BCKDHB: variants seen among roughly 807,000 people sequenced by gnomAD.
BCKDHB encodes the protein branched chain keto acid dehydrogenase E1 subunit beta, also known as 2-oxoisovalerate dehydrogenase subunit beta, mitochondrial.
Under a neutral mutation model 48.5 loss-of-function variants are expected in BCKDHB, and 41 were observed. The observed-to-expected ratio is 0.85, with a 90% CI of 0.66 to 1.10. The LOEUF is 1.10. Among genes scored for constraint, BCKDHB ranks in the 50% least tolerant of loss-of-function variants. BCKDHB has a pLI of 0.00. For missense variants in BCKDHB, 496 were observed against 494.2 expected (o/e 1.00, Z -0.03); for synonymous variants, 201 against 174.8 (o/e 1.15, Z -1.18).
At chr6:80,314,939 G>A (rs1768360317) in intron 9 of BCKDHB, among the ~76,000 whole-genome samples, 1 of 152,148 alleles carries the variant, frequency 6.6e-6, no homozygotes, top group African/African-American at 2.4e-5. Context: ...TTTGTACTCT[G>A]CAAAGCCCAC....
At chr6:80,342,609 G>A (rs1281833252) in intron 9 of BCKDHB, among the ~76,000 whole-genome samples, 4 of 144,710 alleles carry the variant, frequency 2.8e-5, no homozygotes, top group African/African-American at 1.0e-4. Context: ...GGAAGGGAAG[G>A]AAAGGGAAGA....
At position 80,150,561 on chromosome 6, in the gene BCKDHB, T is replaced by TA. The variant is rs563329610; in HGVS notation, c.344-17117_344-17116insA. 1.2e-4 allele frequency among the ~76,000 whole-genome samples: 18 copies of TA among 148,060 alleles called. No individual in the cohort carries two copies. In the South Asian group the frequency reaches 3.7e-3, roughly 31 times the overall value. ...ATCAAGTTTGTCATCTTTTTTTTTTTTTTTTTTTTTTGTGAGATGGAGCCT... is the reference window on the plus strand; with the variant it reads ...ATCAAGTTTGTCATCTTTTTTTTTTTATTTTTTTTTTTGTGAGATGGAGCCT... On this transcript the variant is annotated intron_variant, in intron 3 of 9. Transcript: ENST00000320393.
At chr6:80,367,208 T>C in the BCKDHB span, among the ~76,000 whole-genome samples, 1 of 152,196 alleles carries the variant, frequency 6.6e-6, no homozygotes, top group Non-Finnish European at 1.5e-5. Context: ...CTTTTGCACT[T>C]TCTCTCGATT....
At chr6:80,164,938 G>A (rs546812385) in intron 3 of BCKDHB, among the ~76,000 whole-genome samples, 14 of 152,146 alleles carry the variant, frequency 9.2e-5, no homozygotes, top group African/African-American at 2.2e-4. Flanking sequence ...AATAGAAACC[G>A]ATTTTTAACA....
intron 9 of BCKDHB, among the ~76,000 whole-genome samples, chr6:80,329,600 A>C (rs7767703): frequency 0.78 from 117,937 of 151,968 alleles, 46,140 homozygotes; most frequent in Admixed American, 0.84. Context: ...CCATTGTCCC[A>C]CTTTGGGTGT....
chr6:80,442,018 G>A, the BCKDHB span, among the ~76,000 whole-genome samples: 2 of 152,094 alleles, frequency 1.3e-5, no homozygotes, highest in Non-Finnish European at 2.9e-5. Context: ...GGATATGTCA[G>A]GGAAATGTCC....
At chr6:80,124,785 C>G (rs1214606433) in intron 1 of BCKDHB, among the ~76,000 whole-genome samples, 2 of 152,000 alleles carry the variant, frequency 1.3e-5, no homozygotes, top group Non-Finnish European at 2.9e-5. Context: ...TAGGTTTCAA[C>G]AGTGGGCTTA....
At chr6:80,192,400 A>G (rs1051201149) in intron 6 of BCKDHB, among the ~76,000 whole-genome samples, 2 of 152,106 alleles carry the variant, frequency 1.3e-5, no homozygotes, top group African/African-American at 2.4e-5. Context: ...TTGACACCCT[A>G]TGAACAAAGT....
intron 9 of BCKDHB, among the ~76,000 whole-genome samples, chr6:80,317,188 T>C (rs1768491410): frequency 6.6e-6 from 1 of 152,170 alleles, no homozygotes; most frequent in Non-Finnish European, 1.5e-5. Flanking sequence ...TTCAAAGATA[T>C]CTGTGTTTTC....
chr6:80,392,911 A>T, the BCKDHB span, among the ~76,000 whole-genome samples: 1 of 145,322 alleles, frequency 6.9e-6, no homozygotes, highest in East Asian at 2.0e-4. Context: ...TCTAAATAAC[A>T]TACTTATGCC....
chr6:80,177,528 T>C (rs1270831930), intron 6 of BCKDHB, among the ~76,000 whole-genome samples: 1 of 152,044 alleles, frequency 6.6e-6, no homozygotes, highest in East Asian at 1.9e-4. Context: ...TAAATACATC[T>C]AAGGAAACAA....
chr6:80,251,960 C>T (rs560015415), intron 8 of BCKDHB, among the ~76,000 whole-genome samples: 125 of 152,264 alleles, frequency 8.2e-4, no homozygotes, highest in African/African-American at 2.8e-3. Context: ...TGAGTTGACA[C>T]AGAAGAAAGG....
intron 3 of BCKDHB, among the ~76,000 whole-genome samples, chr6:80,163,584 C>T (rs1289299347): frequency 6.6e-6 from 1 of 152,110 alleles, no homozygotes; most frequent in African/African-American, 2.4e-5. Context: ...TCTTAGATCT[C>T]TTCTTTTCTC....
chr6:80,159,425 T>C (rs750955750), intron 3 of BCKDHB, among the ~76,000 whole-genome samples: 2 of 152,228 alleles, frequency 1.3e-5, no homozygotes, highest in Non-Finnish European at 2.9e-5. Context: ...TCCCAGTTTG[T>C]ATCCCAATAC....
chr6:80,294,557 A>C (rs1417014371), intron 9 of BCKDHB, among the ~76,000 whole-genome samples: 1 of 152,188 alleles, frequency 6.6e-6, no homozygotes, highest in Non-Finnish European at 1.5e-5. Context: ...TTATTTTCCT[A>C]GCAAGGAATA....
chr6:80,363,722 C>A, the BCKDHB span, among the ~76,000 whole-genome samples: 2 of 152,166 alleles, frequency 1.3e-5, no homozygotes, highest in Non-Finnish European at 1.5e-5. Context: ...CCAGAATATG[C>A]AATCCAGTGA....
chr6:80,170,657 A>G (rs1382508019), intron 5 of BCKDHB, among the ~76,000 whole-genome samples: 2 of 152,160 alleles, frequency 1.3e-5, no homozygotes, highest in Non-Finnish European at 2.9e-5. Flanking sequence ...TCCTACTGTC[A>G]TTATCATCTT....
At chr6:80,221,864 T>C (rs1165373609) in intron 8 of BCKDHB, among the ~76,000 whole-genome samples, 4 of 152,236 alleles carry the variant, frequency 2.6e-5, no homozygotes, top group Non-Finnish European at 5.9e-5. Flanking sequence ...GAGTATCTTA[T>C]ATGTTTCTTT....
the BCKDHB span, among the ~76,000 whole-genome samples, chr6:80,441,761 C>T: frequency 6.6e-6 from 1 of 151,986 alleles, no homozygotes; most frequent in Non-Finnish European, 1.5e-5. Context: ...CCTATTTGAC[C>T]TCTTATTTAT....
Sources: allele counts gnomAD v4.1 joint callset (sites outside exome capture counted in the v4.1 genomes callset), GRCh38; gene constraint gnomAD v4.1.1; transcripts MANE v1.5; gene names NCBI Gene and HGNC (gene_info 2026-07-23, HGNC 2026-07-21).